Variants in FOXJ3 observed in about 807,000 individuals in gnomAD.
FOXJ3 encodes forkhead box J3.
In FOXJ3, 22 loss-of-function variants were observed where a neutral mutation model predicts 76.1. The observed-to-expected ratio is 0.29, with a 90% CI of 0.21 to 0.41. The LOEUF (loss-of-function observed/expected upper bound fraction) is 0.41. Among genes scored for constraint, FOXJ3 ranks in the 10% least tolerant of loss-of-function variants. The pLI, the probability that FOXJ3 is intolerant of heterozygous loss-of-function variation, is 1.00. For missense variants in FOXJ3, 613 were observed against 762.1 expected (o/e 0.80, Z 2.30); for synonymous variants, 269 against 261.2 (o/e 1.03, Z -0.29).
intron 1 of FOXJ3, among the ~76,000 whole-genome samples, chr1:42,320,658 A>G (rs1476253200): frequency 1.3e-5 from 2 of 152,246 alleles, no homozygotes; most frequent in African/African-American, 4.8e-5. Flanking sequence ...GTTTAAAGGT[A>G]TATGAAATTA....
At chr1:42,335,781 C>T (rs1656459598), upstream of FOXJ3, 1 of 143,802 alleles carries the variant, frequency 7.0e-6, no homozygotes, top group Non-Finnish European at 1.5e-5. Flanking sequence ...AGACTCATGT[C>T]TGCGGAGGCC....
upstream of FOXJ3, chr1:42,335,335 A>C (rs961789968): frequency 1.3e-5 from 2 of 152,082 alleles, no homozygotes; most frequent in Admixed American, 1.3e-4. Context: ...CTGCGCGGTC[A>C]CGGTCGCTTC....
intron 2 of FOXJ3, among the ~76,000 whole-genome samples, chr1:42,297,149 C>T (rs1653840030): frequency 6.6e-6 from 1 of 152,102 alleles, no homozygotes; most frequent in Non-Finnish European, 1.5e-5. Context: ...GATCATTGTA[C>T]ATTGATTTTG....
intron 2 of FOXJ3, among the ~76,000 whole-genome samples, chr1:42,280,740 T>C (rs1209342545): frequency 6.6e-6 from 1 of 152,160 alleles, no homozygotes; most frequent in Non-Finnish European, 1.5e-5. Flanking sequence ...ATACCTCATC[T>C]GTAAGATGAA....
chr1:42,226,897 G>A (rs1246585053), intron 5 of FOXJ3, among the ~76,000 whole-genome samples: 1 of 152,102 alleles, frequency 6.6e-6, no homozygotes, highest in Non-Finnish European at 1.5e-5. Context: ...ACTGGGAATG[G>A]GCACAGAACA....
intron 4 of FOXJ3, among the ~76,000 whole-genome samples, chr1:42,248,964 T>C (rs1451648058): frequency 6.6e-6 from 1 of 152,140 alleles, no homozygotes; most frequent in Non-Finnish European, 1.5e-5. Context: ...CCATGTGTCC[T>C]CATTGTTCAA....
intron 1 of FOXJ3, among the ~76,000 whole-genome samples, chr1:42,331,600 T>G (rs1282703368): frequency 6.6e-6 from 1 of 152,136 alleles, no homozygotes; most frequent in South Asian, 2.1e-4. Flanking sequence ...CAACAGGCAT[T>G]TGGAATTATC....
In FOXJ3 at chr1:42,181,874, C is replaced by T. The variant is rs369725228; in HGVS notation, c.1753+43G>A. The stretch of plus-strand genomic sequence containing the variant: ...GTTGTTCCTGGAGTGCTCACACACA[C>T]ACACACACACACACACACACTCACT... On this transcript the variant is annotated intron_variant, in intron 12 of 12. Coordinates refer to ENST00000361346, the MANE Select transcript of FOXJ3 (RefSeq NM_014947.5). The T allele has an allele frequency of 5.0e-5, 65 of 1,302,072 alleles. No homozygotes were observed. The African/African-American group carries it at 8.7e-4, about 18-fold the overall frequency. The allele number at this position is 1,302,072 out of a possible 1,614,324, so 80.7% of individuals were successfully genotyped here.
At chr1:42,230,171 C>A (rs1019977174) in intron 4 of FOXJ3, among the ~76,000 whole-genome samples, 2 of 152,140 alleles carry the variant, frequency 1.3e-5, no homozygotes, top group Admixed American at 6.5e-5. Flanking sequence ...AAAAGATTCA[C>A]AAAACTAATT....
intron 1 of FOXJ3, among the ~76,000 whole-genome samples, chr1:42,329,937 T>C (rs2455081): frequency 0.17 from 26,559 of 152,002 alleles, 2,467 homozygotes; most frequent in Admixed American, 0.25. Context: ...CACAGAGTTC[T>C]GAAAATAGAC....
intron 7 of FOXJ3, 58 bp from the exon 8 acceptor site, chr1:42,195,122 T>C: frequency 8.0e-7 from 1 of 1,256,178 alleles, no homozygotes; most frequent in Non-Finnish European, 1.1e-6. Flanking sequence ...AATTGGCTTG[T>C]TATATAAAAT....
rs143175153 is a variant in FOXJ3 at position 42,181,865 on chromosome 1, T to TCACA, written c.1753+48_1753+51dup. On this transcript the variant is annotated intron_variant, in intron 12 of 12. Coordinates refer to ENST00000361346, the MANE Select transcript of FOXJ3 (RefSeq NM_014947.5). ...CCTGCCATCGTTGTTCCTGGAGTGC[T>TCACA]CACACACACACACACACACACACAC... The TCACA allele has an allele frequency of 7.9e-3, 7,640 of 963,398 alleles. 50 individuals are homozygous for TCACA. The highest frequency in any genetic ancestry group is 0.04 in the African/African-American group (2,353 of 59,180). The allele number at this position is 963,398 out of a possible 1,614,324, so 59.7% of individuals were successfully genotyped here.
At chr1:42,211,243 T>C (rs1050056859) in intron 5 of FOXJ3, among the ~76,000 whole-genome samples, 8 of 152,046 alleles carry the variant, frequency 5.3e-5, no homozygotes, top group African/African-American at 1.4e-4. Flanking sequence ...GTGGAACACT[T>C]TGGGGTAACT....
chr1:42,241,933 C>G (rs1313480913), intron 4 of FOXJ3, among the ~76,000 whole-genome samples: 1 of 152,204 alleles, frequency 6.6e-6, no homozygotes, highest in Non-Finnish European at 1.5e-5. Flanking sequence ...CATCCACATC[C>G]TTAGCACAGC....
chr1:42,224,144 C>T (rs1465477128), intron 5 of FOXJ3, among the ~76,000 whole-genome samples: 1 of 152,134 alleles, frequency 6.6e-6, no homozygotes, highest in Non-Finnish European at 1.5e-5. Flanking sequence ...GTCACAGGAA[C>T]TAGTAAGTTG....
At chr1:42,189,887 C>T (rs1313093170) in intron 9 of FOXJ3, 1 of 154,474 alleles carries the variant, frequency 6.5e-6, no homozygotes, top group Admixed American at 6.5e-5. Flanking sequence ...AGAGGCAACA[C>T]ATAGTACAAT....
chr1:42,280,863 T>A (rs1652656574), intron 2 of FOXJ3, among the ~76,000 whole-genome samples: 1 of 152,216 alleles, frequency 6.6e-6, no homozygotes, highest in Admixed American at 6.5e-5. Flanking sequence ...AGTAGTTGCT[T>A]ATATTATTAT....
chr1:42,210,857 A>G (rs1646953366), intron 5 of FOXJ3, among the ~76,000 whole-genome samples: 2 of 151,954 alleles, frequency 1.3e-5, no homozygotes, highest in South Asian at 4.2e-4. Flanking sequence ...TGGCAACCCC[A>G]CTGAGCAGCT....
chr1:42,191,858 C>T lies in FOXJ3; in HGVS notation c.935-139G>A, dbSNP rs535967575. On this transcript the variant is annotated intron_variant, in intron 8 of 12. Coordinates refer to ENST00000361346, the MANE Select transcript of FOXJ3 (RefSeq NM_014947.5). ...AATTTAATAAGTGTTAATCCAACATCCACTGCACACTAGGCTCTGTGGTTA... is the reference window on the plus strand; with the variant it reads ...AATTTAATAAGTGTTAATCCAACATTCACTGCACACTAGGCTCTGTGGTTA... 9 of 804,394 alleles carry T rather than the reference C, an allele frequency of 1.1e-5. No individual in the cohort carries two copies. In the African/African-American group the frequency reaches 1.6e-4, roughly 14 times the overall value. The allele number at this position is 804,394 out of a possible 1,614,324, so 49.8% of individuals were successfully genotyped here.
Sources: gnomAD v4.1 joint callset for allele counts (sites outside exome capture counted in the v4.1 genomes callset) on GRCh38, gnomAD v4.1.1 for gene constraint, MANE v1.5 for transcripts, NCBI Gene and HGNC (gene_info 2026-07-23, HGNC 2026-07-21) for gene names.